The following GCM1 variants were observed in gnomAD, a reference collection of about 807,000 sequenced individuals.
GCM1 encodes GCM transcription factor 1.
GCM1 carries 2 observed loss-of-function variants against 25.7 expected under a neutral mutation model. That is an observed-to-expected ratio of 0.08 (90% CI 0.03 to 0.24). The LOEUF (loss-of-function observed/expected upper bound fraction) is 0.24. GCM1 is among the 10% of genes least tolerant of loss of function. The probability of loss-of-function intolerance (pLI) is 1.00; values close to 1 mark genes in which losing one functional copy is unlikely to be tolerated. For synonymous variants in GCM1, 183 were observed against 195.7 expected (o/e 0.94, Z 0.54); for missense variants, 395 against 538.7 (o/e 0.73, Z 2.64).
intron 2 of GCM1, among the ~76,000 whole-genome samples, chr6:53,142,858 C>T (rs1010305454): frequency 2.1e-5 from 1 of 48,214 alleles, no homozygotes. Flanking sequence ...AGGTAAACAA[C>T]TCAAGGATCT....
Position 53,128,165 on chromosome 6 carries a change from C to A in GCM1, c.*41G>T. 6.6e-7 allele frequency: 1 copy of A among 1,513,130 alleles called. No individual in the cohort carries two copies. The highest frequency in any genetic ancestry group is 8.9e-7 in the Non-Finnish European group (1 of 1,122,722). 93.7% of individuals were successfully genotyped at this position (1,513,130 alleles called of 1,614,324 possible). On this transcript the variant is annotated 3_prime_UTR_variant, in exon 6 of 6. Coordinates refer to ENST00000259803, the MANE Select transcript of GCM1 (RefSeq NM_003643.4). ...TAAGGAAATTCTTTCAGCCCTTCCC[C>A]ATTTTTGAGGGGCTGGGGTGCACAT...
In GCM1 at chr6:53,128,431, A is replaced by G. The variant is rs1010132815; in HGVS notation, c.1086T>C (p.Asn362=). ...CCACATGTACTTTCTCTTCATAAAG[A>G]TTACCCGCTGGATTTGGCCATAATG... ...CPPLWPNPAG[N]LYEEKVHVDF... Residue 362 remains asparagine, a synonymous_variant, in exon 6 of 6, where the codon AAT becomes AAC. Transcript: ENST00000259803. 6.2e-7 allele frequency: 1 copy of G among 1,614,142 alleles called. No homozygotes were observed. The highest frequency in any genetic ancestry group is 8.5e-7 in the Non-Finnish European group (1 of 1,179,978).
rs1387368365 is a variant in GCM1, at chr6:53,128,235, T to C, written c.1282A>G (p.Met428Val). ...CTCAAAGGACACAGGTTCAGAAGCA[T>C]ATCATTGTTGCAGTGATCCAAACCC... ...YLGLDHCNND[M>V]LLNLCPLR is the part of the protein sequence containing the mutation. The change falls in exon 6 of 6, where the codon ATG becomes GTG. Residue 428 changes from methionine (M) to valine (V), a missense_variant. Physicochemically the swap from Met to Val is conservative, Grantham distance 21 (BLOSUM62 1). Transcript: ENST00000259803. 2.5e-6 allele frequency: 4 copies of C among 1,610,398 alleles called. No homozygotes were observed. Among genetic ancestry groups the C allele is most frequent in the South Asian group, 2.2e-5 (2 of 91,076 alleles).
intron 2 of GCM1, among the ~76,000 whole-genome samples, chr6:53,142,353 A>C (rs1477300130): frequency 1.3e-5 from 2 of 152,202 alleles, no homozygotes; most frequent in Non-Finnish European, 2.9e-5. Flanking sequence ...TTTCATGGTC[A>C]AAAATAAGTT....
intron 3 of GCM1, 115 bp downstream of exon 3, chr6:53,133,957 C>T: frequency 9.5e-7 from 1 of 1,050,796 alleles, no homozygotes. Flanking sequence ...TTGGCTGCCA[C>T]TACACTCCAG....
rs771101188 is a variant in GCM1 at position 53,132,077 on chromosome 6, G to A, written c.371C>T (p.Pro124Leu). 6.2e-7 allele frequency: 1 copy of A among 1,613,320 alleles called. No individual in the cohort carries two copies. The highest frequency in any genetic ancestry group is 1.1e-5 in the South Asian group (1 of 91,064). ...PNCDGPLKLI[P>L]CRGHGGFPVT... ...CGGGAAGCCCCCATGACCTCGGCAA[G>A]GGATGAGCTTCAGAGGCCCGTCACA... Residue 124 changes from proline (P) to leucine (L), a missense_variant, in exon 4 of 6, where the codon CCT (proline) becomes CTT (leucine). Physicochemically the swap from Pro to Leu is moderately conservative, Grantham distance 98 (BLOSUM62 -3). Transcript: ENST00000259803.
At chr6:53,142,651 G>T (rs940365055) in intron 2 of GCM1, among the ~76,000 whole-genome samples, 2 of 151,984 alleles carry the variant, frequency 1.3e-5, no homozygotes, top group Non-Finnish European at 2.9e-5. Context: ...ATTTCTCCAG[G>T]CTCACACAGA....
intron 2 of GCM1, among the ~76,000 whole-genome samples, chr6:53,142,258 C>T (rs1050201601): frequency 2.8e-4 from 42 of 152,068 alleles, no homozygotes; most frequent in Non-Finnish European, 5.3e-4. Context: ...CAAGCCATTG[C>T]ATTTGATCCT....
chr6:53,147,425 G>GTTTTTTTT (rs70980807), intron 1 of GCM1, among the ~76,000 whole-genome samples: 33 of 93,436 alleles, frequency 3.5e-4, no homozygotes, highest in Non-Finnish European at 5.3e-4. Context: ...AGTTTTTATT[G>GTTTTTTTT]TTTTTTTTTT....
In GCM1 at chr6:53,128,140, TA is replaced by T; in HGVS notation, c.*65del. ...TGGTTATGTTTTAAAAATTATTTCC[TA>T]AGGAAATTCTTTCAGCCCTTCCCCA... is the stretch of plus-strand genomic sequence containing the variant. On this transcript the variant is annotated 3_prime_UTR_variant, in exon 6 of 6. Transcript: ENST00000259803. The T allele has an allele frequency of 8.1e-7, 1 of 1,237,228 alleles. No homozygotes were observed. The highest frequency in any genetic ancestry group is 1.1e-6 in the Non-Finnish European group (1 of 887,770). The allele number at this position is 1,237,228 out of a possible 1,614,324, so 76.6% of individuals were successfully genotyped here.
intron 2 of GCM1, among the ~76,000 whole-genome samples, chr6:53,139,486 C>G (rs1396284250): frequency 1.0e-4 from 11 of 108,528 alleles, no homozygotes; most frequent in Non-Finnish European, 1.5e-4. Flanking sequence ...GATAGTAAGA[C>G]CCCCATCTCA....
Position 53,134,057 on chromosome 6 carries a change from C to G in GCM1, c.328+15G>C, listed in dbSNP as rs545595513. On this transcript the variant is annotated intron_variant, in intron 3 of 5. Transcript: ENST00000259803. ...GATGCCAGCTTTTTTGCTGGTGCCA[C>G]TAAGCTCTACTCACGCTGCTGCTTC... is the stretch of plus-strand genomic sequence containing the variant. 5.0e-6 allele frequency: 8 copies of G among 1,609,716 alleles called. No individual in the cohort carries two copies. In the African/African-American group the frequency reaches 8.0e-5, roughly 16 times the overall value.
chr6:53,144,542 C>T (rs1763925795), intron 2 of GCM1, among the ~76,000 whole-genome samples: 1 of 132,794 alleles, frequency 7.5e-6, no homozygotes, highest in African/African-American at 2.9e-5. Flanking sequence ...CCTGTAATCC[C>T]AGCACTTTGG....
Position 53,130,807 on chromosome 6 carries a change from G to T in GCM1, c.566C>A (p.Thr189Asn), listed in dbSNP as rs777285120. 6.2e-7 allele frequency: 1 copy of T among 1,613,682 alleles called. No individual in the cohort carries two copies. The highest frequency in any genetic ancestry group is 8.5e-7 in the Non-Finnish European group (1 of 1,179,656). Residue 189 changes from threonine (T) to asparagine (N), a missense_variant, in exon 5 of 6, where the codon ACC becomes AAC. Around this residue, in one of 5 missense-constraint regions of GCM1, gnomAD observed 291 missense variants for 314.6 expected, o/e 0.92. Transcript: ENST00000259803. ...VSLSLKGSTE[T>N]RSLPGETQSQ... ...ACATACATAATGAAGGATTACCCTG[G>T]TCTCTGTGCTCCCCTTCAGGCTCAA...
intron 1 of GCM1, among the ~76,000 whole-genome samples, chr6:53,148,511 C>G (rs1453464409): frequency 6.6e-6 from 1 of 152,046 alleles, no homozygotes; most frequent in South Asian, 2.1e-4. Context: ...AAGTTAAGAA[C>G]AAAACATAGA....
intron 1 of GCM1, among the ~76,000 whole-genome samples, chr6:53,147,684 C>A (rs1261912131): frequency 1.3e-5 from 2 of 152,066 alleles, no homozygotes; most frequent in Non-Finnish European, 2.9e-5. Context: ...ACGTCTCTGT[C>A]TCCCAAAGTG....
At chr6:53,147,636 C>T (rs1384783777) in intron 1 of GCM1, among the ~76,000 whole-genome samples, 1 of 151,750 alleles carries the variant, frequency 6.6e-6, no homozygotes, top group Non-Finnish European at 1.5e-5. Flanking sequence ...ACCATGTTGA[C>T]CAGGCCGGTC....
intron 2 of GCM1, among the ~76,000 whole-genome samples, chr6:53,144,603 G>T (rs972114737): frequency 3.6e-5 from 5 of 139,856 alleles, no homozygotes; most frequent in Non-Finnish European, 6.1e-5. Context: ...ACCAGCCTGG[G>T]CAACATAGCA....
At chr6:53,141,057 A>T (rs1433350987) in intron 2 of GCM1, among the ~76,000 whole-genome samples, 1 of 152,080 alleles carries the variant, frequency 6.6e-6, no homozygotes, top group South Asian at 2.1e-4. Flanking sequence ...CTTGCTCCCC[A>T]TGCCAGAGTC....
Sources: gnomAD v4.1 joint callset for allele counts (sites outside exome capture counted in the v4.1 genomes callset) on GRCh38, gnomAD v4.1.1 for gene constraint, gnomAD v4.1.1 regional missense constraint, MANE v1.5 for transcripts, NCBI Gene and HGNC (gene_info 2026-07-23, HGNC 2026-07-21) for gene names.